INTS1: variants seen among roughly 807,000 people sequenced by gnomAD.
INTS1 encodes integrator complex subunit 1.
A neutral mutation model predicts 241.6 loss-of-function variants in INTS1; 137 were observed. The observed-to-expected ratio is 0.57, with a 90% CI of 0.49 to 0.65. The LOEUF (loss-of-function observed/expected upper bound fraction) is 0.65, where lower values mean the gene tolerates loss of function less well. Among genes scored for constraint, INTS1 ranks in the 30% least tolerant of loss-of-function variants. The pLI, the probability that INTS1 is intolerant of heterozygous loss-of-function variation, is 0.00. For synonymous variants in INTS1, 1,692 were observed against 1,337.8 expected (o/e 1.26, Z -5.78); for missense variants, 3,073 against 3,032.2 (o/e 1.01, Z -0.32).
rs1337007462 is a variant in INTS1, at chr7:1,476,051, C to T, written c.5399G>A (p.Arg1800Gln). Residue 1800 changes from arginine (R) to glutamine (Q), a missense_variant, in exon 39 of 48, where the codon CGA (arginine) becomes CAA (glutamine). Transcript: ENST00000404767. ...TAGGTAGAGCTGCAGGAGAAGGTCT[C>T]GGCAGCGCCTGCCCAGCACGCTGGA... The part of the protein sequence containing the change: ...WGDSVLGRRC[R>Q]DLLLQLYLQR... The T allele has an allele frequency of 9.1e-6, 14 of 1,544,734 alleles. No individual in the cohort carries two copies. Among genetic ancestry groups the T allele is most frequent in the East Asian group, 2.4e-5 (1 of 40,898 alleles).
intron 13 of INTS1, 105 bp from the exon 14 acceptor site, chr7:1,494,998 G>T (rs1031014512): frequency 5.2e-6 from 7 of 1,355,388 alleles, no homozygotes; most frequent in Non-Finnish European, 7.1e-6. Flanking sequence ...AGCGCTCAGA[G>T]GCCGGGCTGC....
At chr7:1,489,041 C>G (rs1782419363) in intron 18 of INTS1, among the ~76,000 whole-genome samples, 1 of 152,212 alleles carries the variant, frequency 6.6e-6, no homozygotes, top group East Asian at 1.9e-4. Flanking sequence ...CCACCCCCAG[C>G]CTGCCCAGTC....
chr7:1,495,303 T>C, intron 13 of INTS1, 130 bp downstream of exon 13: 1 of 1,095,164 alleles, frequency 9.1e-7, no homozygotes, highest in South Asian at 1.7e-5. Flanking sequence ...TAGTGGGGTG[T>C]GGGGCAGGGG....
At chr7:1,503,857 A>AGACCCCCAAT in intron 2 of INTS1, 46 bp downstream of exon 2, 1 of 1,445,690 alleles carries the variant, frequency 6.9e-7, no homozygotes. Context: ...AGACCCCCAA[A>AGACCCCCAAT]GACCCCCAAA....
chr7:1,504,259 G>T (rs1308295339), intron 1 of INTS1, 64 bp downstream of exon 1: 45 of 589,738 alleles, frequency 7.6e-5, no homozygotes, highest in Non-Finnish European at 1.1e-4. Flanking sequence ...GGCCGGGAGC[G>T]GTAGCCGGGA....
chr7:1,489,005 C>T (rs1008246091), intron 18 of INTS1, among the ~76,000 whole-genome samples: 2 of 152,186 alleles, frequency 1.3e-5, no homozygotes, highest in Non-Finnish European at 2.9e-5. Context: ...TGGCCGGATT[C>T]TCTTGCCACG....
intron 28 of INTS1, 46 bp from the exon 29 acceptor site, chr7:1,480,979 G>C (rs1051315206): frequency 1.4e-6 from 2 of 1,411,288 alleles, no homozygotes; most frequent in South Asian, 1.2e-5. Context: ...CAGGGGCCAG[G>C]GAGCAGGTCC....
Position 1,470,894 on chromosome 7 carries a change from C to T in INTS1, c.6409G>A (p.Val2137Met), listed in dbSNP as rs1439032561. The T allele has an allele frequency of 2.4e-5, 39 of 1,594,022 alleles. No homozygotes were observed. The highest frequency in any genetic ancestry group is 3.2e-5 in the Non-Finnish European group (38 of 1,171,372). ...YCLGSQDFEV[V>M]QTALRNLPEY... ...GGCAGGTTCCGGAGGGCCGTCTGCA[C>T]CACCTCAAAGTCCTGGCTGCCCAGG... Residue 2137 changes from valine (V) to methionine (M), a missense_variant, in exon 47 of 48, where the codon GTG becomes ATG. Transcript: ENST00000404767.
At position 1,477,660 on chromosome 7, in the gene INTS1, G is replaced by C; in HGVS notation, c.4828C>G (p.Arg1610Gly). 1 of 1,593,610 alleles carries C rather than the reference G, an allele frequency of 6.3e-7. No homozygotes were observed. The highest frequency in any genetic ancestry group is 8.5e-7 in the Non-Finnish European group (1 of 1,170,518). ...AGGAGGCCTGACGAGGGCCCCAGCC[G>C]CACGGCCTCCAGGCTGCAGGGAGAA... The part of the protein sequence containing the change: ...GADGGSLEAV[R>G]LGPSSGLLVD... Residue 1610 changes from arginine (R) to glycine (G), a missense_variant, in exon 35 of 48, where the codon CGG becomes GGG. Arg to Gly is a moderately radical substitution (Grantham distance 125). Transcript: ENST00000404767.
chr7:1,480,579 C>T (rs1029824931), intron 29 of INTS1, 138 bp from the exon 30 acceptor site: 1 of 972,804 alleles, frequency 1.0e-6, no homozygotes, highest in Non-Finnish European at 1.5e-6. Context: ...TCTGTGTTCC[C>T]CAAGGACCCC....
At position 1,495,519 on chromosome 7, in the gene INTS1, A is replaced by T. The variant is rs1433104435; in HGVS notation, c.1746T>A (p.Ile582=). Residue 582 remains isoleucine (I), a synonymous_variant, in exon 13 of 48, where the codon ATT becomes ATA. Coordinates refer to ENST00000404767, the MANE Select transcript of INTS1 (RefSeq NM_001080453.3). The stretch of plus-strand genomic sequence containing the variant: ...AGACGGCATCCCGCTGGATGGCGGC[A>T]ATCTGGTTCTGGAATGAGCGGAGCA... ...LEVLRSFQNQ[I]AAIQRDAVWW... The T allele has an allele frequency of 6.2e-7, 1 of 1,612,488 alleles. No homozygotes were observed.
intron 37 of INTS1, 29 bp from the exon 38 acceptor site, chr7:1,476,484 A>G (rs1328206130): frequency 8.2e-7 from 1 of 1,215,050 alleles, no homozygotes; most frequent in Non-Finnish European, 1.1e-6. Context: ...TCAGCCCCGG[A>G]GCACCACCGC....
intron 40 of INTS1, 50 bp from the exon 41 acceptor site, chr7:1,474,410 G>GCCCCGC: frequency 6.6e-7 from 1 of 1,516,086 alleles, no homozygotes. Context: ...GGCTCACCTG[G>GCCCCGC]CGCACGTCCC....
At chr7:1,498,642 G>GCCCACACCCCCA in intron 9 of INTS1, 65 bp downstream of exon 9, 6 of 470,306 alleles carry the variant, frequency 1.3e-5, no homozygotes, top group Non-Finnish European at 1.7e-5. Context: ...CCCCCGCTCC[G>GCCCACACCCCCA]CCCACACCCC....
At position 1,482,701 on chromosome 7, in the gene INTS1, T is replaced by C; in HGVS notation, c.3548A>G (p.Asp1183Gly). Residue 1183 changes from aspartate to glycine, a missense_variant, in exon 27 of 48, where the codon GAC (aspartate) becomes GGC (glycine). Asp to Gly is a moderately conservative substitution (Grantham distance 94). Coordinates refer to ENST00000404767, the MANE Select transcript of INTS1 (RefSeq NM_001080453.3). Reference protein sequence around the residue: ...LLTLGPPRADDSEFQALLDIW... With the variant: ...LLTLGPPRADGSEFQALLDIW... ...GTCCAGCAGCGCCTGGAACTCGCTG[T>C]CGTCGGCTTCAGGAAGGACAACGGG... is the stretch of plus-strand genomic sequence containing the variant. 3 of 1,612,558 alleles carry C rather than the reference T, an allele frequency of 1.9e-6. No individual in the cohort carries two copies. The highest frequency in any genetic ancestry group is 1.7e-6 in the Non-Finnish European group (2 of 1,179,746).
In INTS1 at chr7:1,495,566, C is replaced by T. The variant is rs200661524; in HGVS notation, c.1712-13G>A. On this transcript the variant is annotated splice_polypyrimidine_tract_variant and intron_variant, in intron 12 of 47. Coordinates refer to ENST00000404767, the MANE Select transcript of INTS1 (RefSeq NM_001080453.3). ...AGCACTTCCAGGTCTGAAACAGACA[C>T]GCAGCTTAGTGGCCCATCCGAGCCA... 2.7e-5 allele frequency: 43 copies of T among 1,604,230 alleles called. No homozygotes were observed. The highest frequency in any genetic ancestry group is 3.4e-5 in the Admixed American group (2 of 59,056).
Position 1,480,872 on chromosome 7 carries a change from G to T in INTS1, c.3912C>A (p.Phe1304Leu). ...GCAGGGAGGCTGTGAGCAAGGAGTG[G>T]AAAGTCTGGCCTCCGGAGGCGCCGC... Reference protein sequence around the residue: ...HERGASGGQTFHSLLTASLPP... With the variant: ...HERGASGGQTLHSLLTASLPP... The change falls in exon 29 of 48, where the codon TTC becomes TTA. Residue 1304 changes from phenylalanine to leucine, a missense_variant. Phe to Leu is a conservative substitution (Grantham distance 22). Transcript: ENST00000404767. 5 of 1,556,088 alleles carry T rather than the reference G, an allele frequency of 3.2e-6. No homozygotes were observed. The highest frequency in any genetic ancestry group is 4.3e-6 in the Non-Finnish European group (5 of 1,150,806).
intron 1 of INTS1, 47 bp downstream of exon 1, chr7:1,504,276 G>A (rs767323789): frequency 4.0e-5 from 23 of 576,636 alleles, no homozygotes; most frequent in Non-Finnish European, 6.4e-5. Context: ...GGGAGAACCA[G>A]GCGCTCGCCC....
At chr7:1,492,276 A>G (rs999891487) in intron 16 of INTS1, among the ~76,000 whole-genome samples, 5 of 152,184 alleles carry the variant, frequency 3.3e-5, no homozygotes, top group African/African-American at 1.2e-4. Flanking sequence ...GAGGACTTTG[A>G]TACTGCCTCA....
Sources: allele counts gnomAD v4.1 joint callset (sites outside exome capture counted in the v4.1 genomes callset), GRCh38; gene constraint gnomAD v4.1.1; transcripts MANE v1.5; gene names NCBI Gene and HGNC (gene_info 2026-07-23, HGNC 2026-07-21).